The following CDH8 variants were observed in gnomAD, a reference collection of about 807,000 sequenced individuals.
CDH8 encodes the protein cadherin-8.
CDH8 carries 17 observed loss-of-function variants against 68.1 expected under a neutral mutation model. The observed-to-expected ratio is 0.25, with a 90% CI of 0.17 to 0.37. The LOEUF (loss-of-function observed/expected upper bound fraction) is 0.37. Among genes scored for constraint, CDH8 ranks in the 10% least tolerant of loss-of-function variants. CDH8 has a pLI of 1.00. For missense variants in CDH8, 763 were observed against 999.3 expected (o/e 0.76, Z 3.19); for synonymous variants, 372 against 365.1 (o/e 1.02, Z -0.21).
intron 2 of CDH8, among the ~76,000 whole-genome samples, chr16:61,930,502 T>G (rs1964525579): frequency 6.6e-6 from 1 of 152,172 alleles, no homozygotes; most frequent in South Asian, 2.1e-4. Flanking sequence ...TATTTGTCAG[T>G]GCACCCTTGA....
chr16:61,754,332 G>C (rs1441094138), intron 8 of CDH8, among the ~76,000 whole-genome samples: 2 of 152,034 alleles, frequency 1.3e-5, no homozygotes, highest in Non-Finnish European at 2.9e-5. Flanking sequence ...GCATTCCAGA[G>C]AAATAATGAT....
intron 8 of CDH8, among the ~76,000 whole-genome samples, chr16:61,771,472 CAAAAA>C (rs11355312): frequency 1.6e-4 from 10 of 62,262 alleles, no homozygotes; most frequent in East Asian, 4.5e-4. Context: ...AAAAGCCAGC[CAAAAA>C]AAAAAAAAAA....
chr16:61,713,967 T>C lies in CDH8; in HGVS notation c.1537-9A>G, dbSNP rs1964675941. ...CTAACAGTTTGAATGACCTGAAACATAAAACTTGACGTCAGCATTTCTGAT... is the reference window on the plus strand; with the variant it reads ...CTAACAGTTTGAATGACCTGAAACACAAAACTTGACGTCAGCATTTCTGAT... On this transcript the variant is annotated splice_polypyrimidine_tract_variant and intron_variant, in intron 9 of 11. Transcript: ENST00000577390. The C allele has an allele frequency of 1.3e-6, 2 of 1,510,652 alleles. No homozygotes were observed. The highest frequency in any genetic ancestry group is 9.2e-7 in the Non-Finnish European group (1 of 1,086,648). 93.6% of individuals were successfully genotyped at this position (1,510,652 alleles called of 1,614,324 possible). A position where few individuals can be genotyped will look rare whatever the true frequency, so the allele number is the denominator to read the frequency against.
intron 10 of CDH8, among the ~76,000 whole-genome samples, chr16:61,662,444 A>C (rs1459851748): frequency 1.3e-5 from 2 of 151,826 alleles, no homozygotes; most frequent in Non-Finnish European, 2.9e-5. Flanking sequence ...ATGAAAAAAG[A>C]GAGGAAATGA....
chr16:61,973,852 C>A (rs137898612), intron 2 of CDH8, among the ~76,000 whole-genome samples: 1 of 152,326 alleles, frequency 6.6e-6, no homozygotes, highest in East Asian at 1.9e-4. Flanking sequence ...TTTCCAAGAA[C>A]TACATGTAAC....
intron 10 of CDH8, among the ~76,000 whole-genome samples, chr16:61,687,296 A>G (rs1195367579): frequency 6.6e-6 from 1 of 151,986 alleles, no homozygotes; most frequent in African/African-American, 2.4e-5. Context: ...CATAAGAGTC[A>G]ATTCTTTACT....
intron 5 of CDH8, among the ~76,000 whole-genome samples, chr16:61,823,966 C>G (rs781417728): frequency 6.6e-6 from 1 of 151,876 alleles, no homozygotes; most frequent in African/African-American, 2.4e-5. Context: ...GGAAAGATGT[C>G]TGCACTTTCA....
intron 7 of CDH8, among the ~76,000 whole-genome samples, chr16:61,814,510 T>C (rs547123385): frequency 1.1e-4 from 16 of 152,250 alleles, no homozygotes; most frequent in Middle Eastern, 3.4e-3. Context: ...TAAAAAGAAA[T>C]TGAACCGCGT....
intron 3 of CDH8, among the ~76,000 whole-genome samples, chr16:61,878,824 TAC>T (rs1343267609): frequency 1.3e-5 from 2 of 152,294 alleles, no homozygotes; most frequent in East Asian, 3.9e-4. Flanking sequence ...GAAGGAAATT[TAC>T]ACAGTCGAAT....
At chr16:61,804,350 C>T (rs1186738207) in intron 7 of CDH8, among the ~76,000 whole-genome samples, 1 of 151,818 alleles carries the variant, frequency 6.6e-6, no homozygotes. Context: ...GCACTAAATG[C>T]CCACAAGAGA....
intron 2 of CDH8, among the ~76,000 whole-genome samples, chr16:61,967,471 G>C (rs189275433): frequency 2.0e-4 from 30 of 152,272 alleles, no homozygotes; most frequent in African/African-American, 5.8e-4. Flanking sequence ...TTAGCACCAG[G>C]AGGATTTGGG....
intron 2 of CDH8, among the ~76,000 whole-genome samples, chr16:62,011,267 A>AAGT (rs1449048926): frequency 6.6e-6 from 1 of 152,138 alleles, no homozygotes; most frequent in African/African-American, 2.4e-5. Flanking sequence ...AGAGAAAAGG[A>AAGT]AGTAGTCCAT....
At chr16:61,801,507 G>T (rs139121761) in intron 7 of CDH8, among the ~76,000 whole-genome samples, 1 of 152,162 alleles carries the variant, frequency 6.6e-6, no homozygotes, top group Non-Finnish European at 1.5e-5. Context: ...AGCTCCCAGC[G>T]TGAGCGACGC....
intron 3 of CDH8, among the ~76,000 whole-genome samples, chr16:61,880,598 A>T (rs1021865580): frequency 3.9e-5 from 6 of 152,190 alleles, no homozygotes; most frequent in African/African-American, 1.4e-4. Context: ...TTCACAGTTG[A>T]GAAGTAGAAG....
intron 8 of CDH8, among the ~76,000 whole-genome samples, chr16:61,771,472 C>CAAAAAA (rs11355312): frequency 9.6e-5 from 6 of 62,250 alleles, no homozygotes; most frequent in African/African-American, 1.5e-4. Context: ...AAAAGCCAGC[C>CAAAAAA]AAAAAAAAAA....
chr16:61,777,176 C>T (rs1367620167), intron 8 of CDH8, among the ~76,000 whole-genome samples: 1 of 152,124 alleles, frequency 6.6e-6, no homozygotes, highest in East Asian at 1.9e-4. Flanking sequence ...ACTTCTCCAT[C>T]CCTAAAGAAA....
chr16:61,892,892 G>GA (rs1963802225), intron 3 of CDH8, among the ~76,000 whole-genome samples: 1 of 152,072 alleles, frequency 6.6e-6, no homozygotes, highest in South Asian at 2.1e-4. Context: ...AAAGAAAGGG[G>GA]AAAAAACCAA....
At chr16:61,739,505 G>T (rs1026418494) in intron 8 of CDH8, among the ~76,000 whole-genome samples, 8 of 151,664 alleles carry the variant, frequency 5.3e-5, no homozygotes, top group Non-Finnish European at 1.0e-4. Flanking sequence ...AGAGATTTCA[G>T]GGTATATATG....
intron 2 of CDH8, among the ~76,000 whole-genome samples, chr16:61,944,061 GTTGTGTGTCTT>G (rs1261159149): frequency 6.6e-6 from 1 of 152,208 alleles, no homozygotes; most frequent in African/African-American, 2.4e-5. Flanking sequence ...CTGAATAGGA[GTTGTGTGTCTT>G]TTGGGCAAGC....
Sources: gnomAD v4.1 joint callset for allele counts (sites outside exome capture counted in the v4.1 genomes callset) on GRCh38, gnomAD v4.1.1 for gene constraint, MANE v1.5 for transcripts, NCBI Gene and HGNC (gene_info 2026-07-23, HGNC 2026-07-21) for gene names.